Variants in PDE4D observed in about 807,000 individuals in gnomAD.
The protein encoded by PDE4D is 3',5'-cyclic-AMP phosphodiesterase 4D.
Under a neutral mutation model 87.4 loss-of-function variants are expected in PDE4D, and 24 were observed. That is an observed-to-expected ratio of 0.27 (90% CI 0.20 to 0.39). The LOEUF (loss-of-function observed/expected upper bound fraction) is 0.39, where lower values mean the gene tolerates loss of function less well. Among genes scored for constraint, PDE4D ranks in the 10% least tolerant of loss-of-function variants. The pLI is 1.00. For synonymous variants in PDE4D, 384 were observed against 383.2 expected (o/e 1.00, Z -0.02); for missense variants, 714 against 1,041.0 (o/e 0.69, Z 4.32).
At position 59,986,158 on chromosome 5, in the gene PDE4D, G is replaced by A. The variant is rs147445369; in HGVS notation, c.272+2330C>T. On this transcript the variant is annotated intron_variant, in intron 3 of 16. Coordinates refer to the PDE4D transcript ENST00000502484. ...CCTCTGCCTTCAAGCAGGCTGAAGC[G>A]ATCCTCCTGCATCAGCCTGCTGAGT... Among the ~76,000 whole-genome samples, 164 of 152,240 alleles carry A rather than the reference G, an allele frequency of 1.1e-3. 1 individual carries two copies. Among genetic ancestry groups the A allele is most frequent in the Non-Finnish European group, 9.0e-4 (61 of 68,016 alleles).
intron 1 of PDE4D, among the ~76,000 whole-genome samples, chr5:59,737,537 G>A (rs1386590033): frequency 1.3e-5 from 2 of 151,704 alleles, no homozygotes; most frequent in East Asian, 1.9e-4. Context: ...AATAGGCCAC[G>A]GTATTGTGAA....
intron 3 of PDE4D, among the ~76,000 whole-genome samples, chr5:59,951,894 T>G (rs1758331773): frequency 6.6e-6 from 1 of 152,188 alleles, no homozygotes; most frequent in African/African-American, 2.4e-5. Flanking sequence ...TAAACATCTC[T>G]GTTATTCCCT....
At chr5:60,150,058 C>T (rs1173480416) in intron 2 of PDE4D, among the ~76,000 whole-genome samples, 1 of 145,012 alleles carries the variant, frequency 6.9e-6, no homozygotes, top group Non-Finnish European at 1.5e-5. Context: ...ATTCTATATA[C>T]TAGTATATAT....
At chr5:60,491,572 AC>A (rs1484294836), upstream of PDE4D, 1 of 152,220 alleles carries the variant, frequency 6.6e-6, no homozygotes, top group Non-Finnish European at 1.5e-5. Flanking sequence ...AGGTAATGAG[AC>A]CTGAACAGAA....
intron 1 of PDE4D, chr5:59,558,694 C>G (rs1013854587): frequency 6.6e-6 from 1 of 152,100 alleles, no homozygotes; most frequent in African/African-American, 2.4e-5. Flanking sequence ...TTCCAGACAC[C>G]AGGCTCACAT....
intron 1 of PDE4D, among the ~76,000 whole-genome samples, chr5:59,805,579 A>C (rs573652063): frequency 6.6e-6 from 1 of 152,362 alleles, no homozygotes; most frequent in African/African-American, 2.4e-5. Context: ...TTAAGAAGTC[A>C]GGACATTTTC....
intron 2 of PDE4D, among the ~76,000 whole-genome samples, chr5:60,148,391 G>T (rs950497039): frequency 6.6e-6 from 1 of 152,016 alleles, no homozygotes; most frequent in African/African-American, 2.4e-5. Context: ...TATTTACATA[G>T]AATTTACATA....
At chr5:60,309,994 C>T (rs1293569632) in intron 1 of PDE4D, among the ~76,000 whole-genome samples, 1 of 152,102 alleles carries the variant, frequency 6.6e-6, no homozygotes, top group African/African-American at 2.4e-5. Flanking sequence ...ACTTATTCTC[C>T]TTGACTTCAC....
chr5:59,323,870 A>G (rs1322822760), intron 1 of PDE4D, among the ~76,000 whole-genome samples: 4 of 152,066 alleles, frequency 2.6e-5, no homozygotes, highest in Non-Finnish European at 5.9e-5. Flanking sequence ...ATAAAGTAGA[A>G]ATTTCTATGT....
intron 1 of PDE4D, among the ~76,000 whole-genome samples, chr5:60,430,549 G>GTTTTTTTTTTTTTTTTTTTTT (rs34406756): frequency 7.6e-6 from 1 of 132,000 alleles, no homozygotes; most frequent in African/African-American, 3.0e-5. Flanking sequence ...TTTTTTGTTT[G>GTTTTTTTTTTTTTTTTTTTTT]TTTTTTTTTT....
At chr5:59,848,257 A>G (rs1744154908) in intron 1 of PDE4D, among the ~76,000 whole-genome samples, 1 of 152,026 alleles carries the variant, frequency 6.6e-6, no homozygotes, top group Admixed American at 6.6e-5. Flanking sequence ...GCTTGTACTT[A>G]TCTTGTTTAT....
intron 1 of PDE4D, among the ~76,000 whole-genome samples, chr5:59,590,623 T>C (rs1386344053): frequency 2.6e-5 from 4 of 152,174 alleles, no homozygotes; most frequent in East Asian, 1.9e-4. Context: ...GCACCACAAA[T>C]TGGCATAACC....
At chr5:59,828,492 C>G (rs1208929026) in intron 1 of PDE4D, among the ~76,000 whole-genome samples, 1 of 151,924 alleles carries the variant, frequency 6.6e-6, no homozygotes, top group Admixed American at 6.6e-5. Context: ...CCCTTATTTT[C>G]AGGAGGTATC....
In PDE4D at chr5:60,092,865, A is replaced by T. The variant is rs560878443; in HGVS notation, c.42+92692T>A. Among the ~76,000 whole-genome samples, 4 of 152,298 alleles carry T rather than the reference A, an allele frequency of 2.6e-5. No individual in the cohort carries two copies. In the South Asian group the frequency reaches 8.3e-4, roughly 32 times the overall value. On this transcript the variant is annotated intron_variant, in intron 2 of 16. Transcript: ENST00000502484. ...ACTTGGGACACTCTTGACTCTGGGG[A>T]CAATACAAACAACTAAGTCATAGGG...
intron 1 of PDE4D, among the ~76,000 whole-genome samples, chr5:59,608,261 C>T (rs1243116808): frequency 2.0e-5 from 3 of 152,062 alleles, no homozygotes; most frequent in Non-Finnish European, 2.9e-5. Context: ...TGCCACTTTG[C>T]CTCTATTTCT....
intron 6 of PDE4D, among the ~76,000 whole-genome samples, chr5:59,024,811 A>C (rs1484796109): frequency 1.3e-5 from 2 of 152,220 alleles, no homozygotes; most frequent in Admixed American, 6.5e-5. Flanking sequence ...AACCATACTG[A>C]CAATATAAGA....
intron 1 of PDE4D, among the ~76,000 whole-genome samples, chr5:59,692,347 T>C (rs773313606): frequency 2.6e-5 from 4 of 152,178 alleles, no homozygotes; most frequent in African/African-American, 9.6e-5. Flanking sequence ...CATGGTTCTA[T>C]AGCAAAGCAG....
At chr5:60,402,829 T>C (rs1218871777) in intron 1 of PDE4D, among the ~76,000 whole-genome samples, 1 of 152,196 alleles carries the variant, frequency 6.6e-6, no homozygotes, top group Non-Finnish European at 1.5e-5. Context: ...TGTTCCTTCA[T>C]GGTATGTCCC....
intron 2 of PDE4D, among the ~76,000 whole-genome samples, chr5:60,022,918 C>G (rs920921227): frequency 6.6e-6 from 1 of 152,152 alleles, no homozygotes; most frequent in African/African-American, 2.4e-5. Context: ...CTCCCTCCAT[C>G]CGCATCTCTT....
Sources: gnomAD v4.1 joint callset for allele counts (sites outside exome capture counted in the v4.1 genomes callset) on GRCh38, gnomAD v4.1.1 for gene constraint, MANE v1.5 for transcripts, NCBI Gene and HGNC (gene_info 2026-07-23, HGNC 2026-07-21) for gene names.